SND1: variants seen among roughly 807,000 people sequenced by gnomAD.
SND1 encodes the protein staphylococcal nuclease domain-containing protein 1.
In SND1, 38 loss-of-function variants were observed where a neutral mutation model predicts 121.7. The ratio of observed to expected loss-of-function variants is 0.31; its 90% confidence interval spans 0.24 to 0.41. SND1 has a LOEUF of 0.41. SND1 is among the 10% of genes least tolerant of loss of function. The probability of loss-of-function intolerance (pLI) is 1.00; values close to 1 mark genes in which losing one functional copy is unlikely to be tolerated. For synonymous variants in SND1, 401 were observed against 447.4 expected (o/e 0.90, Z 1.31); for missense variants, 868 against 1,184.6 (o/e 0.73, Z 3.92).
rs750215577 is a variant in SND1, at chr7:127,721,139, G to A, written c.1039-148G>A. The A allele has an allele frequency of 9.7e-4, 465 of 481,548 alleles. 1 individual carries two copies. The highest frequency in any genetic ancestry group is 9.6e-4 in the Middle Eastern group (2 of 2,078). The allele number at this position is 481,548 out of a possible 1,614,324, so 29.8% of individuals were successfully genotyped here. A position where few individuals can be genotyped will look rare whatever the true frequency, so the allele number is the denominator to read the frequency against. On this transcript the variant is annotated intron_variant, in intron 9 of 23. Coordinates refer to ENST00000354725, the MANE Select transcript of SND1 (RefSeq NM_014390.4). ...TGATAATTATAGCATAGTTTTCTCTGACATTGTTGCACCATGAAGGATGAT... is the reference window on the plus strand; with the variant it reads ...TGATAATTATAGCATAGTTTTCTCTAACATTGTTGCACCATGAAGGATGAT...
chr7:127,703,149 C>G lies in SND1; in HGVS notation c.682-16C>G. The G allele has an allele frequency of 6.2e-7, 1 of 1,614,020 alleles. No homozygotes were observed. On this transcript the variant is annotated splice_polypyrimidine_tract_variant and intron_variant, in intron 6 of 23. Coordinates refer to ENST00000354725, the MANE Select transcript of SND1 (RefSeq NM_014390.4). ...CATTTAGGCTGCATTACTCACCTAC[C>G]TTGCCTTTGCTTTAGTGCCCAACTT...
intron 10 of SND1, among the ~76,000 whole-genome samples, chr7:127,757,832 T>C (rs1797223869): frequency 6.6e-6 from 1 of 152,248 alleles, no homozygotes; most frequent in Non-Finnish European, 1.5e-5. Context: ...TTGCCCTTTG[T>C]ACTCTCTTAA....
At chr7:127,788,771 G>C (rs566503954) in intron 10 of SND1, among the ~76,000 whole-genome samples, 123 of 151,842 alleles carry the variant, frequency 8.1e-4, no homozygotes, top group Admixed American at 2.7e-3. Context: ...TTCCTTTTTT[G>C]TTTTCATTTT....
At chr7:127,714,156 T>C (rs1326076702) in intron 9 of SND1, among the ~76,000 whole-genome samples, 1 of 152,168 alleles carries the variant, frequency 6.6e-6, no homozygotes, top group African/African-American at 2.4e-5. Flanking sequence ...GGTTAGAGGC[T>C]TCTTGCTTGG....
intron 1 of SND1, among the ~76,000 whole-genome samples, chr7:127,656,324 C>CTTTT (rs1163685188): frequency 2.9e-5 from 4 of 137,364 alleles, no homozygotes; most frequent in Admixed American, 7.3e-5. Flanking sequence ...TTCTTTCTTT[C>CTTTT]TTTTTTTTTT....
chr7:128,083,976 T>C (rs1793648076), intron 18 of SND1, among the ~76,000 whole-genome samples: 1 of 151,740 alleles, frequency 6.6e-6, no homozygotes, highest in African/African-American at 2.4e-5. Context: ...AAGGTCAGAG[T>C]GCTTAGGGAA....
At chr7:127,748,851 G>A (rs887507257) in intron 10 of SND1, among the ~76,000 whole-genome samples, 2 of 151,988 alleles carry the variant, frequency 1.3e-5, no homozygotes, top group Non-Finnish European at 2.9e-5. Context: ...GAAGTAAACA[G>A]TTTTTTTGGA....
intron 7 of SND1, among the ~76,000 whole-genome samples, chr7:127,704,495 A>T (rs1408525707): frequency 6.6e-6 from 1 of 152,222 alleles, no homozygotes; most frequent in Non-Finnish European, 1.5e-5. Flanking sequence ...AATAAGGTGT[A>T]ATCTCTATTA....
intron 15 of SND1, among the ~76,000 whole-genome samples, chr7:127,941,934 A>G (rs1584683231): frequency 1.1e-5 from 1 of 93,078 alleles, no homozygotes; most frequent in East Asian, 2.8e-4. Context: ...GTTTAGACCT[A>G]TTTGTGAGTG....
intron 16 of SND1, among the ~76,000 whole-genome samples, chr7:128,010,923 C>A (rs1055936561): frequency 6.6e-6 from 1 of 152,194 alleles, no homozygotes; most frequent in Non-Finnish European, 1.5e-5. Context: ...GCATCTCTAA[C>A]TGAGGAGCTG....
At chr7:128,032,258 G>C (rs1224848245) in intron 16 of SND1, among the ~76,000 whole-genome samples, 1 of 150,946 alleles carries the variant, frequency 6.6e-6, no homozygotes, top group Non-Finnish European at 1.5e-5. Flanking sequence ...CCGCGCCTCC[G>C]GCCGCCCGTC....
intron 11 of SND1, among the ~76,000 whole-genome samples, chr7:127,807,808 G>A (rs892787822): frequency 3.9e-5 from 6 of 152,168 alleles, no homozygotes; most frequent in African/African-American, 1.4e-4. Context: ...TCACAGCAGG[G>A]TCCGGGCTCA....
At chr7:127,659,897 T>C (rs1795278111) in intron 1 of SND1, among the ~76,000 whole-genome samples, 1 of 152,206 alleles carries the variant, frequency 6.6e-6, no homozygotes, top group South Asian at 2.1e-4. Context: ...TAAGAAACCC[T>C]GTGTTACATT....
intron 10 of SND1, among the ~76,000 whole-genome samples, chr7:127,742,138 AG>A (rs1238516055): frequency 6.6e-6 from 1 of 152,032 alleles, no homozygotes; most frequent in African/African-American, 2.4e-5. Context: ...TATTCTTAGA[AG>A]AAGGATGTTG....
chr7:127,774,031 C>T (rs1334919401), intron 10 of SND1, among the ~76,000 whole-genome samples: 3 of 152,188 alleles, frequency 2.0e-5, no homozygotes, highest in Non-Finnish European at 2.9e-5. Flanking sequence ...TCTGTATTTA[C>T]GATACCATCC....
intron 16 of SND1, among the ~76,000 whole-genome samples, chr7:128,059,089 T>C (rs747888553): frequency 6.6e-6 from 1 of 152,222 alleles, no homozygotes; most frequent in South Asian, 2.1e-4. Context: ...TCTTCTACCC[T>C]GCCACTTATG....
intron 16 of SND1, among the ~76,000 whole-genome samples, chr7:128,020,385 G>A (rs1324663010): frequency 5.3e-5 from 8 of 152,296 alleles, no homozygotes; most frequent in African/African-American, 1.9e-4. Flanking sequence ...GTAAGTCATG[G>A]TGGCCCTGCC....
Position 128,015,089 on chromosome 7 carries a change from C to T in SND1, c.1779+24033C>T, listed in dbSNP as rs1387104504. On this transcript the variant is annotated intron_variant, in intron 16 of 23. Transcript: ENST00000354725. This position sits in a 1 kb window ranked among gnomAD's most constrained non-coding sequence, Gnocchi z 4.5. ...AAGCTGTCTGAGCCATCAGCAGCTG[C>T]ACCTCCTCCCTCGCGCCTTCTGTCT... Among the ~76,000 whole-genome samples the T allele has an allele frequency of 6.6e-6, 1 of 152,208 alleles. No individual in the cohort carries two copies.
intron 16 of SND1, among the ~76,000 whole-genome samples, chr7:128,045,249 G>T (rs923590630): frequency 3.9e-5 from 6 of 152,110 alleles, no homozygotes; most frequent in African/African-American, 1.4e-4. Flanking sequence ...GTTTTCCATG[G>T]ACCCTGGCTG....
Sources: gnomAD v4.1 joint callset for allele counts (sites outside exome capture counted in the v4.1 genomes callset) on GRCh38, gnomAD v4.1.1 for gene constraint, Gnocchi (gnomAD v3.1) non-coding constraint, MANE v1.5 for transcripts, NCBI Gene and HGNC (gene_info 2026-07-23, HGNC 2026-07-21) for gene names.